AGBL1: variants seen among roughly 807,000 people sequenced by gnomAD.
The protein encoded by AGBL1 is cytosolic carboxypeptidase 4.
A neutral mutation model predicts 118.9 loss-of-function variants in AGBL1; 130 were observed. That is an observed-to-expected ratio of 1.09 (90% CI 0.95 to 1.26). The LOEUF is 1.26. Among genes scored for constraint, AGBL1 ranks in the 50% most tolerant of loss-of-function variants. The pLI is 0.00. For synonymous variants in AGBL1, 555 were observed against 478.9 expected, an observed-to-expected ratio of 1.16 and a Z score of -2.08; for missense variants, 1,584 against 1,298.1, an observed-to-expected ratio of 1.22 and a Z score of -3.38.
At chr15:86,161,504 T>C (rs763063719) in intron 5 of AGBL1, among the ~76,000 whole-genome samples, 57 of 152,230 alleles carry the variant, frequency 3.7e-4, no homozygotes, top group Non-Finnish European at 7.3e-4. Flanking sequence ...GCCTCAGCTC[T>C]TAAGCCACCA....
At chr15:86,509,946 A>T (rs1312017631) in intron 18 of AGBL1, among the ~76,000 whole-genome samples, 25 of 142,886 alleles carry the variant, frequency 1.7e-4, no homozygotes, top group African/African-American at 4.6e-4. Context: ...GCTGAAGCTC[A>T]TTTTTTTTTT....
intron 1 of AGBL1, among the ~76,000 whole-genome samples, chr15:86,122,953 G>T (rs1176293872): frequency 1.3e-5 from 2 of 152,152 alleles, no homozygotes; most frequent in East Asian, 3.9e-4. Flanking sequence ...CCTGACTCTA[G>T]TATAGCATCA....
chr15:86,882,366 T>G (rs553236127), intron 22 of AGBL1, among the ~76,000 whole-genome samples: 2 of 152,330 alleles, frequency 1.3e-5, no homozygotes, highest in East Asian at 3.9e-4. Context: ...AAAACATCTC[T>G]ATGTACACAT....
At chr15:86,590,547 C>T (rs756002899) in intron 21 of AGBL1, among the ~76,000 whole-genome samples, 25 of 152,274 alleles carry the variant, frequency 1.6e-4, no homozygotes, top group African/African-American at 4.1e-4. Context: ...ATAAATTACC[C>T]GGTCTCTGGT....
intron 15 of AGBL1, among the ~76,000 whole-genome samples, chr15:86,272,030 A>T (rs2079170547): frequency 6.6e-6 from 1 of 152,218 alleles, no homozygotes; most frequent in Admixed American, 6.5e-5. Context: ...TTAGTTCTTT[A>T]CTTATTTCCG....
intron 9 of AGBL1, 47 bp downstream of exon 9, chr15:86,258,078 T>C: frequency 1.3e-6 from 2 of 1,575,916 alleles, no homozygotes; most frequent in Non-Finnish European, 1.7e-6. Context: ...AGTCACATCA[T>C]GCACAGAAAA....
chr15:86,749,165 T>G (rs1262584074), intron 22 of AGBL1, among the ~76,000 whole-genome samples: 8 of 152,182 alleles, frequency 5.3e-5, no homozygotes, highest in Non-Finnish European at 2.9e-5. Context: ...TTCCATTTGT[T>G]TGTGTCCTCT....
intron 22 of AGBL1, among the ~76,000 whole-genome samples, chr15:86,703,485 A>T (rs1048795368): frequency 4.6e-5 from 7 of 152,184 alleles, no homozygotes; most frequent in Non-Finnish European, 7.4e-5. Context: ...TCTAAAGATT[A>T]AATGAGAAAA....
chr15:86,983,047 T>C (rs944531908), intron 23 of AGBL1, among the ~76,000 whole-genome samples: 1 of 152,198 alleles, frequency 6.6e-6, no homozygotes, highest in Non-Finnish European at 1.5e-5. Flanking sequence ...GAATTTACTA[T>C]TATCACACCT....
chr15:86,978,622 C>G (rs2081198527), intron 23 of AGBL1, among the ~76,000 whole-genome samples: 1 of 152,070 alleles, frequency 6.6e-6, no homozygotes, highest in African/African-American at 2.4e-5. Flanking sequence ...CCAAAGGATC[C>G]CAGGTGAAGG....
chr15:86,385,668 G>A (rs1165752859), intron 17 of AGBL1, among the ~76,000 whole-genome samples: 8 of 152,120 alleles, frequency 5.3e-5, no homozygotes, highest in African/African-American at 1.7e-4. Flanking sequence ...ACACACAGAA[G>A]ATGATATCCA....
chr15:86,281,453 A>G (rs1306622480), intron 16 of AGBL1, among the ~76,000 whole-genome samples: 1 of 152,176 alleles, frequency 6.6e-6, no homozygotes, highest in Non-Finnish European at 1.5e-5. Flanking sequence ...TCCTTTTAAA[A>G]TACGTGTTAT....
intron 5 of AGBL1, among the ~76,000 whole-genome samples, chr15:86,192,862 T>C (rs2077744877): frequency 6.6e-6 from 1 of 152,206 alleles, no homozygotes; most frequent in South Asian, 2.1e-4. Context: ...AGTATGATCA[T>C]GACTATATGG....
At chr15:86,705,787 C>A (rs1260599723) in intron 22 of AGBL1, among the ~76,000 whole-genome samples, 1 of 152,110 alleles carries the variant, frequency 6.6e-6, no homozygotes, top group Admixed American at 6.6e-5. Flanking sequence ...TCACAGAGCA[C>A]ATCAAGGTGT....
At chr15:86,801,414 T>A (rs1286412367) in intron 22 of AGBL1, among the ~76,000 whole-genome samples, 1 of 151,992 alleles carries the variant, frequency 6.6e-6, no homozygotes, top group African/African-American at 2.4e-5. Context: ...CTTCTGTGCC[T>A]GCTACTTACT....
At position 86,827,585 on chromosome 15, in the gene AGBL1, A is replaced by C. The variant is rs551093735; in HGVS notation, c.3159-79502A>C. Reference sequence around the variant, plus strand: ...TATGATGGACATAGATTTACTTAATAGCCAGCCATGTTGATTATCTGATGT... The same window carrying C: ...TATGATGGACATAGATTTACTTAATCGCCAGCCATGTTGATTATCTGATGT... On this transcript the variant is annotated intron_variant, in intron 22 of 22. Transcript: ENST00000614907. Among the ~76,000 whole-genome samples the C allele has an allele frequency of 6.7e-5, 9 of 134,132 alleles. No homozygotes were observed. In the South Asian group the frequency reaches 2.2e-3, roughly 33 times the overall value. The allele number at this position is 134,132 out of a possible 152,430, so 88.0% of individuals were successfully genotyped here.
intron 1 of AGBL1, among the ~76,000 whole-genome samples, chr15:86,119,176 T>G (rs945133298): frequency 2.6e-5 from 4 of 152,212 alleles, no homozygotes; most frequent in Non-Finnish European, 5.9e-5. Flanking sequence ...ACACTCTGGG[T>G]TTAGTAAAGC....
At chr15:86,582,612 A>G (rs970313082) in intron 21 of AGBL1, among the ~76,000 whole-genome samples, 5 of 152,338 alleles carry the variant, frequency 3.3e-5, no homozygotes, top group Non-Finnish European at 7.3e-5. Flanking sequence ...GAACCAAGCC[A>G]AATGTCCAAC....
At chr15:86,218,916 C>T (rs1028701681) in intron 5 of AGBL1, among the ~76,000 whole-genome samples, 2 of 152,168 alleles carry the variant, frequency 1.3e-5, no homozygotes, top group East Asian at 1.9e-4. Context: ...CTTGTCAGAC[C>T]GTAAGCAGAG....
Sources: allele counts gnomAD v4.1 joint callset (sites outside exome capture counted in the v4.1 genomes callset), GRCh38; gene constraint gnomAD v4.1.1; transcripts MANE v1.5; gene names NCBI Gene and HGNC (gene_info 2026-07-23, HGNC 2026-07-21).